The following DNER variants were observed in gnomAD, a reference collection of about 807,000 sequenced individuals.
The protein encoded by DNER is delta and Notch-like epidermal growth factor-related receptor.
In DNER, 33 loss-of-function variants were observed where a neutral mutation model predicts 78.2. That is an observed-to-expected ratio of 0.42 (90% CI 0.32 to 0.56). The LOEUF (loss-of-function observed/expected upper bound fraction) is 0.56, where lower values mean the gene tolerates loss of function less well. DNER is among the 20% of genes least tolerant of loss of function. The pLI, the probability that DNER is intolerant of heterozygous loss-of-function variation, is 0.11. For synonymous variants in DNER, 417 were observed against 384.8 expected (o/e 1.08, Z -0.98); for missense variants, 918 against 975.3 (o/e 0.94, Z 0.78).
Position 229,457,776 on chromosome 2 carries a change from GA to G in DNER, c.1262-10237del, listed in dbSNP as rs112392058. Among the ~76,000 whole-genome samples the G allele has an allele frequency of 1.9e-3, 264 of 141,004 alleles. 2 individuals are homozygous for G. Among genetic ancestry groups the G allele is most frequent in the Non-Finnish European group, 2.0e-3 (129 of 65,306 alleles). The allele number at this position is 141,004 out of a possible 152,430, so 92.5% of individuals were successfully genotyped here. ...GGCGTAGATTGTCAGACTTTATTTGGAAAAAAAAAAAAAGATCTAACTATGT... is the reference window on the plus strand; with the variant it reads ...GGCGTAGATTGTCAGACTTTATTTGGAAAAAAAAAAAAGATCTAACTATGT... On this transcript the variant is annotated intron_variant, in intron 7 of 12. Coordinates refer to ENST00000341772, the MANE Select transcript of DNER (RefSeq NM_139072.4).
intron 7 of DNER, among the ~76,000 whole-genome samples, chr2:229,463,566 G>A (rs1158744523): frequency 1.3e-5 from 2 of 151,968 alleles, no homozygotes; most frequent in Non-Finnish European, 2.9e-5. Flanking sequence ...TCAGCCTCCC[G>A]AGTAGCTGAG....
At chr2:229,439,915 C>T (rs1478141901) in intron 8 of DNER, among the ~76,000 whole-genome samples, 1 of 152,144 alleles carries the variant, frequency 6.6e-6, no homozygotes, top group African/African-American at 2.4e-5. Context: ...TTTTAGTAGG[C>T]AAATCTCACA....
chr2:229,457,051 A>G (rs1694590838), intron 7 of DNER, among the ~76,000 whole-genome samples: 1 of 152,148 alleles, frequency 6.6e-6, no homozygotes, highest in African/African-American at 2.4e-5. Flanking sequence ...CGTCAAACAG[A>G]ATTCTAGTTT....
At chr2:229,583,909 G>A (rs562255840) in intron 4 of DNER, among the ~76,000 whole-genome samples, 7 of 152,128 alleles carry the variant, frequency 4.6e-5, no homozygotes, top group East Asian at 1.9e-4. Flanking sequence ...GTTCATTCCC[G>A]AAATAAATTT....
chr2:229,583,711 C>T (rs186171866), intron 4 of DNER, among the ~76,000 whole-genome samples: 330 of 152,316 alleles, frequency 2.2e-3, no homozygotes, highest in African/African-American at 7.7e-3. Context: ...ACAGAAACTA[C>T]ATCCTTTTAG....
chr2:229,412,483 A>C (rs540005077), intron 9 of DNER, among the ~76,000 whole-genome samples: 1 of 152,362 alleles, frequency 6.6e-6, no homozygotes, highest in East Asian at 1.9e-4. Context: ...CTTATGATTT[A>C]GTATAGGGAA....
chr2:229,638,665 A>C (rs1698566390), intron 1 of DNER, among the ~76,000 whole-genome samples: 1 of 152,202 alleles, frequency 6.6e-6, no homozygotes, highest in Non-Finnish European at 1.5e-5. Context: ...TTTCTGTTCT[A>C]ATTATTTAAA....
chr2:229,654,281 C>T (rs1698874272), intron 1 of DNER, among the ~76,000 whole-genome samples: 1 of 152,108 alleles, frequency 6.6e-6, no homozygotes, highest in Non-Finnish European at 1.5e-5. Flanking sequence ...CCATTTGACC[C>T]AGCCATCCCA....
At chr2:229,572,662 G>A (rs1391180226) in intron 4 of DNER, among the ~76,000 whole-genome samples, 2 of 152,156 alleles carry the variant, frequency 1.3e-5, no homozygotes, top group African/African-American at 4.8e-5. Flanking sequence ...CCTTGATAGT[G>A]GGAGAGAGAA....
At chr2:229,395,805 G>A (rs952274112) in intron 10 of DNER, among the ~76,000 whole-genome samples, 1 of 152,170 alleles carries the variant, frequency 6.6e-6, no homozygotes, top group Non-Finnish European at 1.5e-5. Context: ...GGCTGAGGCA[G>A]GAGAATCACT....
chr2:229,572,807 G>A (rs1408157620), intron 4 of DNER, among the ~76,000 whole-genome samples: 1 of 152,158 alleles, frequency 6.6e-6, no homozygotes, highest in African/African-American at 2.4e-5. Context: ...AAAAAGATGA[G>A]TAAACATATA....
In DNER at chr2:229,418,147, C is replaced by G. The variant is rs367594305; in HGVS notation, c.1570G>C (p.Val524Leu). 6.2e-7 allele frequency: 1 copy of G among 1,614,182 alleles called. No homozygotes were observed. Among genetic ancestry groups the G allele is most frequent in the Non-Finnish European group, 8.5e-7 (1 of 1,180,010 alleles). Residue 524 changes from valine (V) to leucine (L), a missense_variant, in exon 9 of 13, where the codon GTT (valine) becomes CTT (leucine). Transcript: ENST00000341772. Reference protein sequence around the residue: ...CLNAATCRDLVNGYECVCLAE... With the variant: ...CLNAATCRDLLNGYECVCLAE... ...AGGCACACACACTCATAGCCATTAACGAGGTCCCTGCAGGTGGCTGCATTC... is the reference window on the plus strand; with the variant it reads ...AGGCACACACACTCATAGCCATTAAGGAGGTCCCTGCAGGTGGCTGCATTC...
intron 4 of DNER, among the ~76,000 whole-genome samples, chr2:229,560,709 G>A (rs114672647): frequency 5.3e-5 from 8 of 152,186 alleles, no homozygotes; most frequent in Admixed American, 1.3e-4. Context: ...TGACAATGTC[G>A]GGCCAGGTGC....
intron 7 of DNER, among the ~76,000 whole-genome samples, chr2:229,465,223 A>C (rs1408576534): frequency 6.6e-6 from 1 of 152,218 alleles, no homozygotes; most frequent in Non-Finnish European, 1.5e-5. Flanking sequence ...AATGTGGTAC[A>C]TATACACCAT....
intron 7 of DNER, among the ~76,000 whole-genome samples, chr2:229,475,033 T>C (rs1163608357): frequency 6.6e-6 from 1 of 152,226 alleles, no homozygotes; most frequent in Non-Finnish European, 1.5e-5. Context: ...ATAGTAATCA[T>C]TATCATGAAA....
intron 5 of DNER, among the ~76,000 whole-genome samples, chr2:229,521,340 G>A (rs1696094541): frequency 6.6e-6 from 1 of 152,272 alleles, no homozygotes; most frequent in Admixed American, 6.5e-5. Flanking sequence ...CATTGGTCAG[G>A]GTCTAGCGAG....
intron 11 of DNER, among the ~76,000 whole-genome samples, chr2:229,374,515 G>A (rs1574812249): frequency 6.6e-6 from 1 of 152,274 alleles, no homozygotes; most frequent in East Asian, 1.9e-4. Flanking sequence ...TTTATTGAGG[G>A]TTCCATTTGT....
intron 5 of DNER, among the ~76,000 whole-genome samples, chr2:229,533,139 G>C (rs10174483): frequency 0.026 from 3,883 of 152,174 alleles, 167 homozygotes; most frequent in African/African-American, 0.089. Context: ...CTAAATTAAG[G>C]GTTCTCAGAA....
At chr2:229,566,184 G>A (rs2154213892) in intron 4 of DNER, among the ~76,000 whole-genome samples, 1 of 152,302 alleles carries the variant, frequency 6.6e-6, no homozygotes, top group Middle Eastern at 3.4e-3. Flanking sequence ...AACGTGAAAA[G>A]CTGTTGATTG....
Sources: gnomAD v4.1 joint callset for allele counts (sites outside exome capture counted in the v4.1 genomes callset) on GRCh38, gnomAD v4.1.1 for gene constraint, MANE v1.5 for transcripts, NCBI Gene and HGNC (gene_info 2026-07-23, HGNC 2026-07-21) for gene names.